Variants in OCA2 observed in about 807,000 individuals in gnomAD.
The protein encoded by OCA2 is P protein.
A neutral mutation model predicts 100.2 loss-of-function variants in OCA2; 77 were observed. The observed-to-expected ratio is 0.77, with a 90% CI of 0.64 to 0.93. The LOEUF is 0.93. Among genes scored for constraint, OCA2 ranks in the 40% least tolerant of loss-of-function variants. OCA2 has a pLI of 0.00. For missense variants in OCA2, 1,062 were observed against 1,089.1 expected (o/e 0.98, Z 0.35); for synonymous variants, 432 against 439.2 (o/e 0.98, Z 0.21).
At chr15:27,868,635 G>A (rs534952574) in intron 21 of OCA2, among the ~76,000 whole-genome samples, 3 of 152,232 alleles carry the variant, frequency 2.0e-5, no homozygotes, top group African/African-American at 7.2e-5. Flanking sequence ...TCCAGGGGCC[G>A]TGGTATGACA....
At chr15:27,824,220 T>C (rs2034612837) in intron 23 of OCA2, among the ~76,000 whole-genome samples, 1 of 151,990 alleles carries the variant, frequency 6.6e-6, no homozygotes. Context: ...ATACAAAAAT[T>C]AGCTGGGCAT....
At chr15:28,072,507 G>A (rs973254139) in intron 2 of OCA2, among the ~76,000 whole-genome samples, 5 of 149,172 alleles carry the variant, frequency 3.4e-5, no homozygotes, top group South Asian at 4.3e-4. Flanking sequence ...GGAGAATGGC[G>A]TGAACCTGGA....
At chr15:28,055,561 G>A (rs2043665998) in intron 2 of OCA2, among the ~76,000 whole-genome samples, 1 of 152,144 alleles carries the variant, frequency 6.6e-6, no homozygotes, top group Admixed American at 6.5e-5. Flanking sequence ...ATCCTCAATG[G>A]GTGTCTTCCT....
chr15:27,850,883 C>A (rs2035723062), intron 22 of OCA2, among the ~76,000 whole-genome samples: 1 of 152,140 alleles, frequency 6.6e-6, no homozygotes, highest in African/African-American at 2.4e-5. Context: ...GTCTGCTCAC[C>A]AGAGGTCAGT....
chr15:27,992,902 T>C (rs1286408320), intron 9 of OCA2, among the ~76,000 whole-genome samples: 1 of 152,122 alleles, frequency 6.6e-6, no homozygotes, highest in Non-Finnish European at 1.5e-5. Flanking sequence ...GCAGGCAGAT[T>C]GCTTAAGGCC....
Position 28,074,595 on chromosome 15 carries a change from A to T in OCA2, c.227+7053T>A, listed in dbSNP as rs1404775377. ...AGGCTGAGGCAGGAGAATGGCGTGA[A>T]CCCGGGAAGCGGAGCTTGCAGTGAG... On this transcript the variant is annotated intron_variant, in intron 2 of 23. Coordinates refer to ENST00000354638, the MANE Select transcript of OCA2 (RefSeq NM_000275.3). Among the ~76,000 whole-genome samples the T allele has an allele frequency of 2.7e-5, 4 of 149,734 alleles. No individual in the cohort carries two copies. The South Asian group carries it at 8.4e-4, about 32-fold the overall frequency.
At chr15:27,880,267 G>A (rs994745710) in intron 19 of OCA2, among the ~76,000 whole-genome samples, 1 of 152,330 alleles carries the variant, frequency 6.6e-6, no homozygotes, top group Admixed American at 6.5e-5. Context: ...TGGTGGTATA[G>A]TTTGAAATTG....
chr15:27,983,269 C>T (rs1296125054), intron 14 of OCA2, 76 bp downstream of exon 14: 1 of 1,561,918 alleles, frequency 6.4e-7, no homozygotes, highest in East Asian at 2.2e-5. Flanking sequence ...CTAACAAAGG[C>T]GTCCATGTGG....
intron 18 of OCA2, among the ~76,000 whole-genome samples, chr15:27,950,789 C>CA (rs2040000592): frequency 1.3e-5 from 2 of 152,170 alleles, no homozygotes; most frequent in Non-Finnish European, 2.9e-5. Flanking sequence ...ATCGCTGAAG[C>CA]TTGAGGCATT....
intron 12 of OCA2, among the ~76,000 whole-genome samples, chr15:27,985,841 TG>T (rs773099810): frequency 1.3e-5 from 2 of 151,940 alleles, no homozygotes; most frequent in Non-Finnish European, 2.9e-5. Context: ...TACAGGCGTG[TG>T]CTACCACGCC....
intron 6 of OCA2, among the ~76,000 whole-genome samples, chr15:28,020,228 C>T (rs1463313685): frequency 6.6e-6 from 1 of 151,888 alleles, no homozygotes; most frequent in Non-Finnish European, 1.5e-5. Flanking sequence ...TCAGGCTGCT[C>T]GAGAAGGAGC....
intron 23 of OCA2, among the ~76,000 whole-genome samples, chr15:27,842,028 C>A (rs2035360210): frequency 6.6e-6 from 1 of 152,192 alleles, no homozygotes; most frequent in South Asian, 2.1e-4. Flanking sequence ...CTTCAATTAT[C>A]AGAAATGAAA....
chr15:27,720,014 T>C, the OCA2 span, among the ~76,000 whole-genome samples: 1 of 152,210 alleles, frequency 6.6e-6, no homozygotes, highest in Non-Finnish European at 1.5e-5. Flanking sequence ...GCATTTCATC[T>C]TAACAAAATT....
chr15:28,025,571 C>G (rs529473462), intron 4 of OCA2, among the ~76,000 whole-genome samples: 1 of 152,348 alleles, frequency 6.6e-6, no homozygotes, highest in African/African-American at 2.4e-5. Flanking sequence ...TTGCTGCTCC[C>G]AGACCGGACC....
At chr15:27,893,128 A>G (rs999956117) in intron 19 of OCA2, among the ~76,000 whole-genome samples, 2 of 152,240 alleles carry the variant, frequency 1.3e-5, no homozygotes, top group Admixed American at 1.3e-4. Context: ...AGGGACCCCA[A>G]ATGGAGGGAC....
At chr15:27,926,741 T>C (rs1300959124) in intron 18 of OCA2, among the ~76,000 whole-genome samples, 1 of 152,052 alleles carries the variant, frequency 6.6e-6, no homozygotes, top group African/African-American at 2.4e-5. Flanking sequence ...GCTTCCCAAG[T>C]AGCTGGGATT....
intron 2 of OCA2, among the ~76,000 whole-genome samples, chr15:28,049,128 A>C (rs1254892860): frequency 6.6e-6 from 1 of 152,172 alleles, no homozygotes; most frequent in African/African-American, 2.4e-5. Context: ...CCTACAACTC[A>C]ACAACAAAAA....
chr15:28,051,497 G>A (rs2043512353), intron 2 of OCA2, among the ~76,000 whole-genome samples: 1 of 150,454 alleles, frequency 6.6e-6, no homozygotes, highest in South Asian at 2.1e-4. Flanking sequence ...TCTCCATGTT[G>A]ATCAGGCTGG....
intron 23 of OCA2, among the ~76,000 whole-genome samples, chr15:27,795,895 T>C (rs1259898390): frequency 6.6e-6 from 1 of 152,258 alleles, no homozygotes; most frequent in Non-Finnish European, 1.5e-5. Flanking sequence ...TATGCAGGCA[T>C]GTTTCACTTG....
Sources: gnomAD v4.1 joint callset for allele counts (sites outside exome capture counted in the v4.1 genomes callset) on GRCh38, gnomAD v4.1.1 for gene constraint, MANE v1.5 for transcripts, NCBI Gene and HGNC (gene_info 2026-07-23, HGNC 2026-07-21) for gene names.